The following PALM2AKAP2 variants were observed in gnomAD, a reference collection of about 807,000 sequenced individuals.
PALM2AKAP2 encodes PALM2-AKAP2 fusion protein.
Under a neutral mutation model 71.5 loss-of-function variants are expected in PALM2AKAP2, and 37 were observed. That is an observed-to-expected ratio of 0.52 (90% CI 0.40 to 0.68). The LOEUF (loss-of-function observed/expected upper bound fraction) is 0.68, where lower values mean the gene tolerates loss of function less well. Ranked by LOEUF, PALM2AKAP2 falls within the 30% of genes least tolerant of loss-of-function variation. PALM2AKAP2 has a pLI of 0.00. For missense variants in PALM2AKAP2, 1,224 were observed against 1,191.8 expected (o/e 1.03, Z -0.40); for synonymous variants, 468 against 478.8 (o/e 0.98, Z 0.29).
intron 6 of PALM2AKAP2, among the ~76,000 whole-genome samples, chr9:109,983,059 C>T (rs934466178): frequency 6.6e-6 from 1 of 152,168 alleles, no homozygotes; most frequent in African/African-American, 2.4e-5. Context: ...CACGTAGCCT[C>T]ACCTACTTCA....
intron 1 of PALM2AKAP2, among the ~76,000 whole-genome samples, chr9:109,841,459 T>C (rs1811177182): frequency 8.1e-6 from 1 of 123,192 alleles, no homozygotes; most frequent in Non-Finnish European, 1.6e-5. Flanking sequence ...GGCACATGTA[T>C]ACCTATGTAG....
chr9:110,023,466 C>T (rs983795313), intron 7 of PALM2AKAP2, among the ~76,000 whole-genome samples: 2 of 151,744 alleles, frequency 1.3e-5, no homozygotes, highest in African/African-American at 4.8e-5. Context: ...AGGCCTGTGC[C>T]ACCACGCCCG....
At chr9:109,702,752 T>TA (rs566421995) in intron 1 of PALM2AKAP2, among the ~76,000 whole-genome samples, 18,858 of 139,470 alleles carry the variant, frequency 0.14, 2,278 homozygotes, top group African/African-American at 0.33. Context: ...GGTATAATAA[T>TA]AAAAAAAAAA....
chr9:109,937,971 G>A lies in PALM2AKAP2; in HGVS notation c.496+5943G>A, dbSNP rs141274257. 1.7e-3 allele frequency among the ~76,000 whole-genome samples: 265 copies of A among 152,346 alleles called. 1 individual carries two copies. Among genetic ancestry groups the A allele is most frequent in the African/African-American group, 6.1e-3 (255 of 41,586 alleles). On this transcript the variant is annotated intron_variant, in intron 6 of 9. Coordinates refer to the PALM2AKAP2 transcript ENST00000302798. ...ACCTCTGACATGGAGAAGCTGGAGA[G>A]AAGACAGGGCAGGTTAGAGAGTATG...
intron 1 of PALM2AKAP2, among the ~76,000 whole-genome samples, chr9:109,748,680 G>A (rs953589746): frequency 3.9e-5 from 6 of 152,102 alleles, no homozygotes; most frequent in Non-Finnish European, 5.9e-5. Context: ...TTTGATTTTG[G>A]GGTAGAGGGT....
chr9:109,706,786 A>C (rs1352764281), intron 1 of PALM2AKAP2, among the ~76,000 whole-genome samples: 1 of 152,240 alleles, frequency 6.6e-6, no homozygotes, highest in East Asian at 1.9e-4. Context: ...AAACACGCTA[A>C]ATGAAAGAAG....
At chr9:109,722,516 A>G (rs1828420310) in intron 1 of PALM2AKAP2, among the ~76,000 whole-genome samples, 1 of 152,184 alleles carries the variant, frequency 6.6e-6, no homozygotes. Flanking sequence ...TCACACCTGT[A>G]ATCTCAACAC....
intron 1 of PALM2AKAP2, among the ~76,000 whole-genome samples, chr9:109,706,439 A>C (rs1329371223): frequency 6.6e-6 from 1 of 152,178 alleles, no homozygotes; most frequent in African/African-American, 2.4e-5. Flanking sequence ...AAACCCAAAT[A>C]CTCATACATT....
At chr9:110,140,312 T>C (rs1217451262) in intron 2 of PALM2AKAP2, among the ~76,000 whole-genome samples, 1 of 152,262 alleles carries the variant, frequency 6.6e-6, no homozygotes, top group Non-Finnish European at 1.5e-5. Context: ...CCGTTTTCCT[T>C]TGAATGCTTC....
At chr9:109,951,142 A>C (rs1831630437) in intron 6 of PALM2AKAP2, among the ~76,000 whole-genome samples, 1 of 149,840 alleles carries the variant, frequency 6.7e-6, no homozygotes, top group African/African-American at 2.5e-5. Context: ...TGTCTGATGC[A>C]GCTTCTCAGT....
chr9:110,011,912 A>C (rs1414961137), intron 6 of PALM2AKAP2, among the ~76,000 whole-genome samples: 4 of 152,222 alleles, frequency 2.6e-5, no homozygotes, highest in Non-Finnish European at 5.9e-5. Context: ...ACAGATCTCC[A>C]CCATAGGTAC....
At chr9:109,772,331 C>T (rs956703779) in intron 1 of PALM2AKAP2, among the ~76,000 whole-genome samples, 2 of 152,272 alleles carry the variant, frequency 1.3e-5, no homozygotes, top group East Asian at 1.9e-4. Context: ...GTCAAGCAGC[C>T]GCCTTTGTGT....
chr9:109,894,024 T>TA (rs552808725), intron 3 of PALM2AKAP2, among the ~76,000 whole-genome samples: 6,573 of 132,804 alleles, frequency 0.049, 295 homozygotes, highest in East Asian at 0.17. Flanking sequence ...GTTGCTTATT[T>TA]AAAAAAAAAA....
intron 1 of PALM2AKAP2, among the ~76,000 whole-genome samples, chr9:110,095,157 T>TA: frequency 6.6e-6 from 1 of 152,336 alleles, no homozygotes; most frequent in Admixed American, 6.5e-5. Context: ...CTTTTTTTCT[T>TA]ATGCCAAGTT....
intron 6 of PALM2AKAP2, among the ~76,000 whole-genome samples, chr9:109,992,939 G>GTATATATA (rs372571970): frequency 7.2e-6 from 1 of 138,916 alleles, no homozygotes; most frequent in Non-Finnish European, 1.6e-5. Context: ...TCATATATAT[G>GTATATATA]TATATATATA....
chr9:110,083,009 C>T (rs189836542), intron 1 of PALM2AKAP2, among the ~76,000 whole-genome samples: 93 of 152,180 alleles, frequency 6.1e-4, no homozygotes, highest in Non-Finnish European at 6.9e-4. Context: ...GGTGTGGTGG[C>T]GCGTGCCTGT....
intron 3 of PALM2AKAP2, among the ~76,000 whole-genome samples, chr9:109,911,729 T>C (rs951914343): frequency 6.6e-6 from 1 of 152,238 alleles, no homozygotes; most frequent in African/African-American, 2.4e-5. Context: ...TGTTCTTGGG[T>C]AGCTTTGCTT....
intron 1 of PALM2AKAP2, among the ~76,000 whole-genome samples, chr9:109,668,686 T>C (rs1040574531): frequency 6.6e-6 from 1 of 152,192 alleles, no homozygotes; most frequent in Non-Finnish European, 1.5e-5. Context: ...ACCAACACTA[T>C]CAAGAAGGTA....
chr9:109,697,950 T>C (rs566775695), intron 1 of PALM2AKAP2, among the ~76,000 whole-genome samples: 1 of 152,314 alleles, frequency 6.6e-6, no homozygotes, highest in East Asian at 1.9e-4. Context: ...TGTGGCCACA[T>C]AGACATTGCA....
Sources: allele counts gnomAD v4.1 joint callset (sites outside exome capture counted in the v4.1 genomes callset), GRCh38; gene constraint gnomAD v4.1.1; transcripts MANE v1.5; gene names NCBI Gene and HGNC (gene_info 2026-07-23, HGNC 2026-07-21).